SPECC1L: variants seen among roughly 807,000 people sequenced by gnomAD.
The protein encoded by SPECC1L is sperm antigen with calponin homology and coiled-coil domains 1 like, also known as cytospin-A.
A neutral mutation model predicts 116.8 loss-of-function variants in SPECC1L; 40 were observed. The observed-to-expected ratio is 0.34, with a 90% confidence interval of 0.27 to 0.45. The LOEUF is 0.45. Among genes scored for constraint, SPECC1L ranks in the 20% least tolerant of loss-of-function variants. The pLI, the probability that SPECC1L is intolerant of heterozygous loss-of-function variation, is 1.00. For synonymous variants in SPECC1L, 504 were observed against 500.6 expected, an observed-to-expected ratio of 1.01 and a Z score of -0.09; for missense variants, 1,110 against 1,373.6, an observed-to-expected ratio of 0.81 and a Z score of 3.03.
At chr22:24,373,833 C>A (rs949288832) in intron 14 of SPECC1L, among the ~76,000 whole-genome samples, 34 of 152,160 alleles carry the variant, frequency 2.2e-4, no homozygotes, top group African/African-American at 8.0e-4. Context: ...TCAGAGTGAA[C>A]AGGCAACCTA....
intron 14 of SPECC1L, among the ~76,000 whole-genome samples, chr22:24,379,177 C>G (rs2042018851): frequency 1.3e-5 from 2 of 151,646 alleles, no homozygotes; most frequent in African/African-American, 4.9e-5. Context: ...AGTTTGAGAC[C>G]AGCGTTGGCA....
rs561454114 is a variant in SPECC1L, at chr22:24,388,672, C to T, written c.3087+19352C>T. ...TGAGGAATCGCCAAACTGACTTCCA[C>T]AATGGTTGAACTAGTTTAATCACAT... On this transcript the variant is annotated intron_variant, in intron 14 of 16. Transcript: ENST00000314328. 6.1e-4 allele frequency among the ~76,000 whole-genome samples: 93 copies of T among 152,264 alleles called. 1 individual carries two copies. The South Asian group carries it at 0.019, about 31-fold the overall frequency.
In SPECC1L at chr22:24,414,979, A is replaced by G; in HGVS notation, c.*356A>G. On this transcript the variant is annotated 3_prime_UTR_variant, in exon 17 of 17. Coordinates refer to ENST00000314328, the MANE Select transcript of SPECC1L (RefSeq NM_015330.6). ...CAGCTGAATTTGGGAAAAGGGATTC[A>G]GTTCTGTGGGAAACTCACTAGGGTT... The G allele has an allele frequency of 3.1e-6, 1 of 319,954 alleles. No individual in the cohort carries two copies. Among genetic ancestry groups the G allele is most frequent in the Non-Finnish European group, 6.1e-6 (1 of 162,846 alleles). The allele number at this position is 319,954 out of a possible 1,614,324, so 19.8% of individuals were successfully genotyped here. A position where few individuals can be genotyped will look rare whatever the true frequency, so the allele number is the denominator to read the frequency against.
At chr22:24,318,305 G>C (rs1276134708) in intron 4 of SPECC1L, among the ~76,000 whole-genome samples, 1 of 152,232 alleles carries the variant, frequency 6.6e-6, no homozygotes, top group African/African-American at 2.4e-5. Context: ...GATCACTCGC[G>C]GTTAGGAGCT....
intron 14 of SPECC1L, among the ~76,000 whole-genome samples, chr22:24,401,017 C>G (rs1320829108): frequency 1.3e-5 from 2 of 152,180 alleles, no homozygotes; most frequent in Non-Finnish European, 2.9e-5. Flanking sequence ...GTACATAGCC[C>G]TAGCGACAAG....
At chr22:24,414,236 G>A (rs915536234) in intron 16 of SPECC1L, among the ~76,000 whole-genome samples, 2 of 152,170 alleles carry the variant, frequency 1.3e-5, no homozygotes, top group South Asian at 2.1e-4. Context: ...AGAGGCAGGC[G>A]CGGGGAGGAG....
chr22:24,374,877 A>T (rs998571387), intron 14 of SPECC1L, among the ~76,000 whole-genome samples: 1 of 152,022 alleles, frequency 6.6e-6, no homozygotes, highest in African/African-American at 2.4e-5. Context: ...AAATAGAAAA[A>T]CAATAGAGAA....
At chr22:24,357,358 T>G (rs565422504) in intron 11 of SPECC1L, among the ~76,000 whole-genome samples, 51 of 152,284 alleles carry the variant, frequency 3.3e-4, no homozygotes, top group African/African-American at 1.1e-3. Context: ...GCCAAGAAGT[T>G]AAGACTAGCC....
intron 7 of SPECC1L, among the ~76,000 whole-genome samples, chr22:24,329,600 G>A (rs1010788305): frequency 6.6e-6 from 1 of 152,158 alleles, no homozygotes; most frequent in African/African-American, 2.4e-5. Context: ...TGTAGGGGGC[G>A]TGGGGCTCAG....
chr22:24,383,024 G>A (rs1448645600), intron 14 of SPECC1L, among the ~76,000 whole-genome samples: 1 of 152,186 alleles, frequency 6.6e-6, no homozygotes, highest in Non-Finnish European at 1.5e-5. Context: ...CACAGTTTTT[G>A]TTCTTACAGG....
chr22:24,289,346 T>C (rs2049112617), intron 2 of SPECC1L, among the ~76,000 whole-genome samples: 1 of 152,236 alleles, frequency 6.6e-6, no homozygotes, highest in African/African-American at 2.4e-5. Context: ...TCCAGGCTTG[T>C]CACTTGTCTG....
At chr22:24,287,262 T>C (rs931398197) in intron 2 of SPECC1L, among the ~76,000 whole-genome samples, 26 of 152,158 alleles carry the variant, frequency 1.7e-4, no homozygotes, top group African/African-American at 6.3e-4. Flanking sequence ...GGTTGGAGCC[T>C]GGATTTGAAG....
intron 14 of SPECC1L, among the ~76,000 whole-genome samples, chr22:24,400,820 G>A (rs2042459357): frequency 6.6e-6 from 1 of 152,190 alleles, no homozygotes; most frequent in Non-Finnish European, 1.5e-5. Flanking sequence ...ACCGTGTTGA[G>A]CCTTCTCATG....
chr22:24,288,419 A>C (rs2049087506), intron 2 of SPECC1L, among the ~76,000 whole-genome samples: 1 of 152,010 alleles, frequency 6.6e-6, no homozygotes, highest in Admixed American at 6.6e-5. Context: ...ATTGTCCCCT[A>C]CCCCTCATTA....
chr22:24,318,893 A>C (rs965954761), intron 4 of SPECC1L, among the ~76,000 whole-genome samples: 5 of 149,798 alleles, frequency 3.3e-5, no homozygotes, highest in Admixed American at 1.3e-4. Context: ...GCACAACTGC[A>C]CTCTAGCCTG....
Position 24,321,365 on chromosome 22 carries a change from C to T in SPECC1L, c.385C>T (p.Arg129Cys), listed in dbSNP as rs201249023. 3.3e-5 allele frequency: 54 copies of T among 1,614,280 alleles called. No individual in the cohort carries two copies. The highest frequency in any genetic ancestry group is 5.5e-5 in the South Asian group (5 of 91,090). The change falls in exon 5 of 17, where the codon CGT (arginine) becomes TGT (cysteine). Residue 129 changes from arginine to cysteine, a missense_variant. By Grantham distance (180) the Arg-to-Cys change is radical. Coordinates refer to ENST00000314328, the MANE Select transcript of SPECC1L (RefSeq NM_015330.6). ...TTCTACTAGAGAAAGATTACGTGAACGTACCCGATTAAACCAGAGCAAAAA... is the reference window on the plus strand; with the variant it reads ...TTCTACTAGAGAAAGATTACGTGAATGTACCCGATTAAACCAGAGCAAAAA... ...SSSTRERLRE[R>C]TRLNQSKKLP...
At chr22:24,407,951 G>T (rs1444497517) in intron 14 of SPECC1L, among the ~76,000 whole-genome samples, 1 of 152,170 alleles carries the variant, frequency 6.6e-6, no homozygotes, top group Non-Finnish European at 1.5e-5. Context: ...AGGAAAGCAG[G>T]CCCATCCTCC....
At chr22:24,277,470 C>T (rs998882678) in intron 2 of SPECC1L, among the ~76,000 whole-genome samples, 3 of 152,170 alleles carry the variant, frequency 2.0e-5, no homozygotes, top group African/African-American at 7.2e-5. Context: ...TGATCACCAC[C>T]ATCTGATTCC....
Position 24,276,610 on chromosome 22 carries a change from T to C in SPECC1L, c.-141-90T>C, listed in dbSNP as rs2048842710. On this transcript the variant is annotated intron_variant, in intron 1 of 16. Coordinates refer to ENST00000314328, the MANE Select transcript of SPECC1L (RefSeq NM_015330.6). ...TTGCAAGAGCCCAGTCTCAAAAATA[T>C]TAGGTCAATAAGGTTTATTTTAATT... 3 of 323,656 alleles carry C rather than the reference T, an allele frequency of 9.3e-6. No individual in the cohort carries two copies. The Admixed American group carries it at 1.2e-4, about 13-fold the overall frequency. 20.0% of individuals were successfully genotyped at this position (323,656 alleles called of 1,614,324 possible). A position where few individuals can be genotyped will look rare whatever the true frequency, so the allele number is the denominator to read the frequency against.
Sources: gnomAD v4.1 joint callset for allele counts (sites outside exome capture counted in the v4.1 genomes callset) on GRCh38, gnomAD v4.1.1 for gene constraint, MANE v1.5 for transcripts, NCBI Gene and HGNC (gene_info 2026-07-23, HGNC 2026-07-21) for gene names.